Variants in TRIM52 observed in about 807,000 individuals in gnomAD.
TRIM52 encodes the protein E3 ubiquitin-protein ligase TRIM52.
Under a neutral mutation model 27.0 loss-of-function variants are expected in TRIM52, and 24 were observed. The observed-to-expected ratio is 0.89, with a 90% confidence interval of 0.64 to 1.25. The LOEUF (loss-of-function observed/expected upper bound fraction) is 1.25. Ranked by LOEUF, TRIM52 falls within the 50% of genes most tolerant of loss-of-function variation. The probability of loss-of-function intolerance (pLI) is 0.00; values close to 1 mark genes in which losing one functional copy is unlikely to be tolerated. For synonymous variants in TRIM52, 125 were observed against 126.5 expected (o/e 0.99, Z 0.08); for missense variants, 351 against 354.7 (o/e 0.99, Z 0.08).
At chr5:181,254,057 G>A (rs184387300), downstream of TRIM52, among the ~76,000 whole-genome samples, 2,583 of 141,438 alleles carry the variant, frequency 0.018, 653 homozygotes, top group African/African-American at 0.074. Flanking sequence ...TTGGGAGGCC[G>A]AGGCGGGCAG....
At chr5:181,251,274 C>G (rs1409279782), downstream of TRIM52, among the ~76,000 whole-genome samples, 1 of 143,566 alleles carries the variant, frequency 7.0e-6, no homozygotes, top group South Asian at 2.2e-4. Flanking sequence ...AGAGCCTGGG[C>G]GACAAGGGCA....
Position 181,256,666 on chromosome 5 carries a change from G to T in TRIM52, c.*143C>A. ...TTTTTTCTCCTTTGCAATTAAAAGGGCTGTTTAATATTAAGCTTTCACGGC... is the reference window on the plus strand; with the variant it reads ...TTTTTTCTCCTTTGCAATTAAAAGGTCTGTTTAATATTAAGCTTTCACGGC... On this transcript the variant is annotated 3_prime_UTR_variant, in exon 2 of 2. Coordinates refer to ENST00000688015, the MANE Select transcript of TRIM52 (RefSeq NM_001346048.2). 1 of 411,208 alleles carries T rather than the reference G, an allele frequency of 2.4e-6. No homozygotes were observed. Among genetic ancestry groups the T allele is most frequent in the Non-Finnish European group, 3.3e-6 (1 of 305,232 alleles). 25.5% of individuals were successfully genotyped at this position (411,208 alleles called of 1,614,324 possible).
downstream of TRIM52, among the ~76,000 whole-genome samples, chr5:181,251,242 C>T (rs940028617): frequency 5.3e-5 from 8 of 151,226 alleles, no homozygotes; most frequent in African/African-American, 1.7e-4. Flanking sequence ...TGCAGTGAGC[C>T]GAGGTCGTGT....
rs1257176318 is a variant in TRIM52, at chr5:181,260,685, A to C, written c.129T>G (p.Cys43Trp). Residue 43 changes from cysteine to tryptophan, a missense_variant, in exon 1 of 2, where the codon TGT (cysteine) becomes TGG (tryptophan). By Grantham distance (215) the Cys-to-Trp change is radical. Coordinates refer to ENST00000688015, the MANE Select transcript of TRIM52 (RefSeq NM_001346048.2). The surrounding 1 kb of genome is among the most constrained non-coding windows in gnomAD (Gnocchi z 4.4). ...ISCGHNFCRG[C>W]VTQLWSKEDE... ...CCTCCTTACTCCACAGCTGGGTCAC[A>C]CACCCTCGGCAGAAGTTGTGCCCAC... 1 of 1,613,800 alleles carries C rather than the reference A, an allele frequency of 6.2e-7. No homozygotes were observed. Among genetic ancestry groups the C allele is most frequent in the Non-Finnish European group, 8.5e-7 (1 of 1,179,946 alleles).
Position 181,260,207 on chromosome 5 carries a change from T to C in TRIM52, c.607A>G (p.Asn203Asp). ...RSFRPNLQLA[N>D]MVQIIRQMCP... is the part of the protein sequence containing the mutation. ...ATCTGGCGAATTATCTGGACCATGT[T>C]GGCCAGCTGCAAGTTGGGACGAAAG... Residue 203 changes from asparagine to aspartate, a missense_variant, in exon 1 of 2, where the codon AAC becomes GAC. Coordinates refer to ENST00000688015, the MANE Select transcript of TRIM52 (RefSeq NM_001346048.2). The surrounding 1 kb of genome is among the most constrained non-coding windows in gnomAD (Gnocchi z 4.4). 1 of 1,614,236 alleles carries C rather than the reference T, an allele frequency of 6.2e-7. No homozygotes were observed. The highest frequency in any genetic ancestry group is 1.6e-4 in the Middle Eastern group (1 of 6,062).
intron 1 of TRIM52, chr5:181,257,500 T>C: frequency 6.2e-7 from 1 of 1,607,232 alleles, no homozygotes; most frequent in South Asian, 1.1e-5. Flanking sequence ...ATTTCCTATA[T>C]TATGAAAAAT....
downstream of TRIM52, among the ~76,000 whole-genome samples, chr5:181,252,664 G>A (rs1759659360): frequency 7.2e-5 from 11 of 152,358 alleles, 2 homozygotes; most frequent in South Asian, 2.3e-3. Context: ...AGTTTCAGGA[G>A]GCATGGCATA....
chr5:181,259,737 TAGC>T (rs1759947543), intron 1 of TRIM52: 8 of 607,546 alleles, frequency 1.3e-5, no homozygotes, highest in Middle Eastern at 9.3e-4. Flanking sequence ...CTGCCAGTAT[TAGC>T]AGTAGTGGTC....
At chr5:181,250,419 C>G (rs1349233097), downstream of TRIM52, among the ~76,000 whole-genome samples, 1 of 152,026 alleles carries the variant, frequency 6.6e-6, no homozygotes, top group Non-Finnish European at 1.5e-5. Context: ...GCTTGTAATC[C>G]CAGCTACTTG....
Position 181,260,930 on chromosome 5 carries a change from T to C in TRIM52, c.-117A>G. ...CCGAGGCTGTCCTCAACCTTGCTCT[T>C]CTTCCTCGGGGCCGCAGGGGAGCTT... On this transcript the variant is annotated 5_prime_UTR_variant, in exon 1 of 2. Coordinates refer to ENST00000688015, the MANE Select transcript of TRIM52 (RefSeq NM_001346048.2). The surrounding 1 kb of genome is among the most constrained non-coding windows in gnomAD (Gnocchi z 4.4). 1.4e-6 allele frequency: 2 copies of C among 1,422,202 alleles called. No homozygotes were observed. The highest frequency in any genetic ancestry group is 1.9e-6 in the Non-Finnish European group (2 of 1,080,568). 88.1% of individuals were successfully genotyped at this position (1,422,202 alleles called of 1,614,324 possible).
downstream of TRIM52, among the ~76,000 whole-genome samples, chr5:181,250,312 G>T (rs899502717): frequency 6.6e-6 from 1 of 152,110 alleles, no homozygotes; most frequent in African/African-American, 2.4e-5. Context: ...AAGGCAGGTG[G>T]GTCACTTGAG....
Position 181,260,292 on chromosome 5 carries a change from G to C in TRIM52, c.522C>G (p.Ser174=), listed in dbSNP as rs1259683826. 6.2e-7 allele frequency: 1 copy of C among 1,614,198 alleles called. No individual in the cohort carries two copies. Among genetic ancestry groups the C allele is most frequent in the East Asian group, 2.2e-5 (1 of 44,880 alleles). ...AGGTGAACTGCCCTGGAAGGGGCAA[G>C]GAAGGAGGCGGGTGGATGTCAGGAT... ...ELYPDIHPPP[S]LPLPGQFTCP... The change falls in exon 1 of 2, where the codon TCC becomes TCG. Residue 174 remains serine, a synonymous_variant. Transcript: ENST00000688015. The surrounding 1 kb of genome is among the most constrained non-coding windows in gnomAD (Gnocchi z 4.4).
downstream of TRIM52, among the ~76,000 whole-genome samples, chr5:181,252,424 T>G (rs2113233979): frequency 6.6e-6 from 1 of 152,360 alleles, no homozygotes; most frequent in East Asian, 1.9e-4. Flanking sequence ...GCTCAAGTCA[T>G]ATGTAGCTAG....
At chr5:181,258,954 C>T (rs961066097) in intron 1 of TRIM52, 1 of 152,204 alleles carries the variant, frequency 6.6e-6, no homozygotes, top group African/African-American at 2.4e-5. Flanking sequence ...ACTACTAAGA[C>T]GTGAGCAGCG....
At chr5:181,257,837 A>C (rs1370122748) in intron 1 of TRIM52, 1 of 162,824 alleles carries the variant, frequency 6.1e-6, no homozygotes, top group East Asian at 1.8e-4. Context: ...TAAAAATGCA[A>C]AAATTAGCTG....
At chr5:181,250,288 C>T (rs1359312937), downstream of TRIM52, among the ~76,000 whole-genome samples, 1 of 152,106 alleles carries the variant, frequency 6.6e-6, no homozygotes, top group Non-Finnish European at 1.5e-5. Context: ...GTAATTCCAG[C>T]ACTTTGGGAG....
intron 1 of TRIM52, chr5:181,257,140 C>G (rs561359922): frequency 4.2e-5 from 46 of 1,104,050 alleles, no homozygotes; most frequent in Non-Finnish European, 4.9e-5. Flanking sequence ...TAATGGTGCC[C>G]TTGGTCAAAT....
chr5:181,260,357 TTTC>T lies in TRIM52; in HGVS notation c.454_456del (p.Glu152del), dbSNP rs769873108. On this transcript the variant is annotated inframe_deletion, in exon 1 of 2. Coordinates refer to ENST00000688015, the MANE Select transcript of TRIM52 (RefSeq NM_001346048.2). This position sits in a 1 kb window ranked among gnomAD's most constrained non-coding sequence, Gnocchi z 4.4. ...TCGTCCTCATCGTATGCTTCCAGTA[TTTC>T]TTCTTCTCGGTAGACATCAATTCTC... 46 of 1,613,998 alleles carry T rather than the reference TTTC, an allele frequency of 2.9e-5. No homozygotes were observed. The South Asian group carries it at 3.5e-4, about 12-fold the overall frequency.
At chr5:181,254,276 CGAGACTCTGTCAAACAGAGA>C (rs1759699962), downstream of TRIM52, 1 of 135,964 alleles carries the variant, frequency 7.4e-6, no homozygotes, top group South Asian at 2.4e-4. Context: ...GGCAACAGAG[CGAGACTCTGTCAAACAGAGA>C]GAGAGAGAGA....
Sources: gnomAD v4.1 joint callset for allele counts (sites outside exome capture counted in the v4.1 genomes callset) on GRCh38, gnomAD v4.1.1 for gene constraint, Gnocchi (gnomAD v3.1) non-coding constraint, MANE v1.5 for transcripts, NCBI Gene and HGNC (gene_info 2026-07-23, HGNC 2026-07-21) for gene names.